PKP2: variants seen among roughly 807,000 people sequenced by gnomAD.
The protein encoded by PKP2 is plakophilin 2.
In PKP2, 73 loss-of-function variants were observed where a neutral mutation model predicts 83.4. The ratio of observed to expected loss-of-function variants is 0.88; its 90% CI spans 0.72 to 1.06. The LOEUF (loss-of-function observed/expected upper bound fraction) is 1.06, where lower values mean the gene tolerates loss of function less well. Ranked by LOEUF, PKP2 falls within the 50% of genes least tolerant of loss-of-function variation. The pLI is 0.00. For missense variants in PKP2, 966 were observed against 1,065.4 expected (o/e 0.91, Z 1.30); for synonymous variants, 409 against 430.4 (o/e 0.95, Z 0.62).
chr12:32,880,032 G>C (rs1956971387), intron 1 of PKP2, among the ~76,000 whole-genome samples: 1 of 151,458 alleles, frequency 6.6e-6, no homozygotes, highest in Admixed American at 6.6e-5. Context: ...CAGGAATTCG[G>C]AAGCTTCTTG....
intron 6 of PKP2, among the ~76,000 whole-genome samples, chr12:32,831,439 A>G (rs190926010): frequency 6.6e-6 from 1 of 152,374 alleles, no homozygotes; most frequent in African/African-American, 2.4e-5. Context: ...TTTGAGCTAT[A>G]CACAGATATT....
At chr12:32,835,506 T>C (rs1284428109) in intron 6 of PKP2, among the ~76,000 whole-genome samples, 1 of 151,606 alleles carries the variant, frequency 6.6e-6, no homozygotes, top group Non-Finnish European at 1.5e-5. Context: ...AAAAAAGATA[T>C]TTTAGCAGCT....
chr12:32,824,876 A>G (rs1956421002), intron 6 of PKP2, among the ~76,000 whole-genome samples: 2 of 152,224 alleles, frequency 1.3e-5, no homozygotes, highest in Admixed American at 1.3e-4. Context: ...TTACTGATAG[A>G]GAAATGAAAC....
intron 3 of PKP2, among the ~76,000 whole-genome samples, chr12:32,871,685 C>T (rs1421715591): frequency 1.3e-5 from 2 of 152,014 alleles, no homozygotes; most frequent in African/African-American, 4.8e-5. Context: ...AGGCTGGTCT[C>T]GAACTCCTGA....
rs1249551566 is a variant in PKP2, at chr12:32,796,290, T to A, written c.2176A>T (p.Thr726Ser). The A allele has an allele frequency of 6.2e-7, 1 of 1,611,146 alleles. No individual in the cohort carries two copies. The highest frequency in any genetic ancestry group is 1.3e-5 in the African/African-American group (1 of 74,122). ...ATGATGGAAACCAAATCAGGGAGAG[T>A]TTCTTTGGCTACAAAATGAAAAAAA... The part of the protein sequence containing the change: ...LSLQNEIAKE[T>S]LPDLVSIIPD... Residue 726 changes from threonine (T) to serine (S), a missense_variant, in exon 11 of 13, where the codon ACT (threonine) becomes TCT (serine). Coordinates refer to ENST00000340811, the MANE Select transcript of PKP2 (RefSeq NM_001005242.3).
intron 9 of PKP2, among the ~76,000 whole-genome samples, chr12:32,806,698 G>GTGTGTGTC (rs1303038578): frequency 2.0e-5 from 3 of 152,066 alleles, no homozygotes; most frequent in South Asian, 2.1e-4. Flanking sequence ...GTGTGTGTGT[G>GTGTGTGTC]TGTGTGTCTG....
chr12:32,842,985 CTT>C (rs556406976), intron 5 of PKP2, among the ~76,000 whole-genome samples: 1 of 141,040 alleles, frequency 7.1e-6, no homozygotes, highest in Non-Finnish European at 1.5e-5. Context: ...GCAATTCCTA[CTT>C]TTTTTTTTTT....
chr12:32,877,177 T>C (rs935833358), intron 3 of PKP2, among the ~76,000 whole-genome samples: 2 of 152,240 alleles, frequency 1.3e-5, no homozygotes, highest in Admixed American at 6.5e-5. Context: ...CTTAGTAACG[T>C]GCACAGTTTA....
chr12:32,844,749 T>C (rs1207161729), intron 5 of PKP2, among the ~76,000 whole-genome samples: 1 of 152,216 alleles, frequency 6.6e-6, no homozygotes, highest in East Asian at 1.9e-4. Context: ...TTAGACTAGA[T>C]GAGCAGTTTC....
intron 5 of PKP2, among the ~76,000 whole-genome samples, chr12:32,847,466 C>A (rs1185697030): frequency 6.6e-6 from 1 of 152,176 alleles, no homozygotes; most frequent in Admixed American, 6.5e-5. Context: ...TGTTCTCTGA[C>A]GTTAGTCTCC....
intron 6 of PKP2, among the ~76,000 whole-genome samples, chr12:32,825,162 C>CT (rs10607965): frequency 0.05 from 3,826 of 76,658 alleles, 327 homozygotes; most frequent in African/African-American, 0.14. Context: ...AGATCAGTTT[C>CT]TTTTTTTTTT....
intron 1 of PKP2, among the ~76,000 whole-genome samples, chr12:32,890,058 G>C (rs1425986325): frequency 1.7e-5 from 2 of 116,900 alleles, no homozygotes; most frequent in Admixed American, 2.3e-4. Context: ...CCTGGGCATA[G>C]AGCGAGACTC....
chr12:32,886,279 T>A (rs1021768914), intron 1 of PKP2, among the ~76,000 whole-genome samples: 5 of 152,234 alleles, frequency 3.3e-5, no homozygotes, highest in South Asian at 2.1e-4. Context: ...TCCACAAATC[T>A]TAAAAGATTT....
intron 10 of PKP2, among the ~76,000 whole-genome samples, chr12:32,798,760 A>G (rs1481388316): frequency 6.6e-6 from 1 of 152,214 alleles, no homozygotes; most frequent in Non-Finnish European, 1.5e-5. Flanking sequence ...TTATACAAAA[A>G]TCAACTCAAG....
At chr12:32,806,638 A>T (rs1956228209) in intron 9 of PKP2, among the ~76,000 whole-genome samples, 3 of 148,470 alleles carry the variant, frequency 2.0e-5, no homozygotes, top group Admixed American at 2.0e-4. Context: ...CATCTTATTA[A>T]TTTTTTTCAA....
chr12:32,877,329 C>A (rs1216577081), intron 3 of PKP2, among the ~76,000 whole-genome samples: 4 of 152,030 alleles, frequency 2.6e-5, no homozygotes, highest in Non-Finnish European at 5.9e-5. Flanking sequence ...CAAAAGAATA[C>A]CCCTTCAAAT....
chr12:32,811,867 C>T (rs898269692), intron 9 of PKP2, among the ~76,000 whole-genome samples: 1 of 152,156 alleles, frequency 6.6e-6, no homozygotes, highest in Admixed American at 6.6e-5. Flanking sequence ...TGAGGGGTAT[C>T]TGCAGGCCAT....
At chr12:32,884,079 C>G (rs1264949990) in intron 1 of PKP2, among the ~76,000 whole-genome samples, 1 of 152,154 alleles carries the variant, frequency 6.6e-6, no homozygotes, top group Admixed American at 6.6e-5. Context: ...AACAAAGAAG[C>G]CTTGCTAAAT....
intron 9 of PKP2, among the ~76,000 whole-genome samples, chr12:32,812,968 T>C (rs1956289853): frequency 6.6e-6 from 1 of 152,230 alleles, no homozygotes; most frequent in Non-Finnish European, 1.5e-5. Flanking sequence ...CTGTAAACTA[T>C]CGTGGGCACA....
Sources: allele counts gnomAD v4.1 joint callset (sites outside exome capture counted in the v4.1 genomes callset), GRCh38; gene constraint gnomAD v4.1.1; transcripts MANE v1.5; gene names NCBI Gene and HGNC (gene_info 2026-07-23, HGNC 2026-07-21).